Variants in PRTG observed in about 807,000 individuals in gnomAD.
PRTG encodes protogenin.
In PRTG, 67 loss-of-function variants were observed where a neutral mutation model predicts 122.5. The observed-to-expected ratio is 0.55, with a 90% CI of 0.45 to 0.67. PRTG has a LOEUF of 0.67. Ranked by LOEUF, PRTG falls within the 30% of genes least tolerant of loss-of-function variation. PRTG has a pLI of 0.00. For missense variants in PRTG, 1,435 were observed against 1,415.4 expected (o/e 1.01, Z -0.22); for synonymous variants, 554 against 501.1 (o/e 1.11, Z -1.41).
intron 2 of PRTG, among the ~76,000 whole-genome samples, chr15:55,708,464 C>T (rs1053019036): frequency 6.6e-6 from 1 of 151,926 alleles, no homozygotes; most frequent in African/African-American, 2.4e-5. Flanking sequence ...AAAAATTAGC[C>T]GGGTGCAGTG....
At chr15:55,636,648 C>CT (rs922754027) in intron 15 of PRTG, among the ~76,000 whole-genome samples, 17 of 151,866 alleles carry the variant, frequency 1.1e-4, no homozygotes, top group Admixed American at 4.6e-4. Context: ...AACCAAACCT[C>CT]TTTTTTTTAC....
intron 2 of PRTG, among the ~76,000 whole-genome samples, chr15:55,708,351 G>C (rs1397070113): frequency 6.6e-6 from 1 of 152,160 alleles, no homozygotes; most frequent in Admixed American, 6.5e-5. Context: ...GCTCATGCCT[G>C]TAATCCCAGC....
Position 55,714,028 on chromosome 15 carries a change from A to G in PRTG, c.397+26354T>C, listed in dbSNP as rs541357586. ...TAAAACTTCAGGTACTTAACCCTGTACATTTCTGTTCTGGTCCTCATAGAT... is the reference window on the plus strand; with the variant it reads ...TAAAACTTCAGGTACTTAACCCTGTGCATTTCTGTTCTGGTCCTCATAGAT... On this transcript the variant is annotated intron_variant, in intron 2 of 19. Transcript: ENST00000389286. 3.9e-5 allele frequency among the ~76,000 whole-genome samples: 6 copies of G among 152,286 alleles called. No homozygotes were observed. The South Asian group carries it at 1.2e-3, about 32-fold the overall frequency.
At chr15:55,649,556 G>A (rs917340360) in intron 11 of PRTG, among the ~76,000 whole-genome samples, 6 of 152,114 alleles carry the variant, frequency 3.9e-5, no homozygotes, top group Admixed American at 6.5e-5. Context: ...GGGCCAAGGC[G>A]GGTGGATCAG....
chr15:55,640,722 T>C (rs2059284704), intron 12 of PRTG, among the ~76,000 whole-genome samples: 1 of 152,100 alleles, frequency 6.6e-6, no homozygotes, highest in Admixed American at 6.6e-5. Context: ...TTGTTTAAGA[T>C]ACTTTAGCCA....
At chr15:55,739,042 C>T (rs11857254) in intron 2 of PRTG, among the ~76,000 whole-genome samples, 55,305 of 151,794 alleles carry the variant, frequency 0.36, 12,626 homozygotes, top group Non-Finnish European at 0.52. Flanking sequence ...TGGCTAGAAC[C>T]GCAAACCTCT....
At chr15:55,664,735 T>C (rs2059429079) in intron 11 of PRTG, among the ~76,000 whole-genome samples, 1 of 152,042 alleles carries the variant, frequency 6.6e-6, no homozygotes, top group Non-Finnish European at 1.5e-5. Flanking sequence ...CACAGGCATG[T>C]ACCACCATGC....
At chr15:55,648,321 T>C (rs138781473) in intron 11 of PRTG, among the ~76,000 whole-genome samples, 6 of 152,314 alleles carry the variant, frequency 3.9e-5, no homozygotes, top group South Asian at 2.1e-4. Flanking sequence ...CAAAGGCCTA[T>C]AAAATGAGAC....
In PRTG at chr15:55,743,122, A is replaced by G; in HGVS notation, c.-191T>C. 1 of 1,268,376 alleles carries G rather than the reference A, an allele frequency of 7.9e-7. No homozygotes were observed. The allele number at this position is 1,268,376 out of a possible 1,614,324, so 78.6% of individuals were successfully genotyped here. Reference sequence around the variant, plus strand: ...CTCGGACGGCCGCTCGCGAGAAGCAAGGGGCCTGAGAGTCCGGCTGGGGGC... The same window carrying G: ...CTCGGACGGCCGCTCGCGAGAAGCAGGGGGCCTGAGAGTCCGGCTGGGGGC... On this transcript the variant is annotated 5_prime_UTR_variant, in exon 1 of 20. Transcript: ENST00000389286.
At chr15:55,642,521 G>A (rs2059297747) in intron 11 of PRTG, among the ~76,000 whole-genome samples, 1 of 144,274 alleles carries the variant, frequency 6.9e-6, no homozygotes, top group African/African-American at 2.6e-5. Flanking sequence ...AGGAGACTAA[G>A]ACAGGAGAAT....
intron 2 of PRTG, among the ~76,000 whole-genome samples, chr15:55,739,267 T>G (rs1199784201): frequency 6.7e-6 from 1 of 149,878 alleles, no homozygotes; most frequent in African/African-American, 2.4e-5. Context: ...TTTTGTATTT[T>G]TTTTTTTTTT....
At chr15:55,628,379 A>G (rs1454872588) in intron 16 of PRTG, among the ~76,000 whole-genome samples, 1 of 55,842 alleles carries the variant, frequency 1.8e-5, no homozygotes, top group Non-Finnish European at 4.4e-5. Context: ...TTCTGGAGAC[A>G]GAGAGGGAAA....
intron 2 of PRTG, among the ~76,000 whole-genome samples, chr15:55,715,991 T>C (rs2030583640): frequency 6.6e-6 from 1 of 152,208 alleles, no homozygotes; most frequent in Admixed American, 6.5e-5. Flanking sequence ...TTTTTACAGA[T>C]ACCATCCAAA....
chr15:55,672,462 T>C lies in PRTG; in HGVS notation c.2024A>G (p.Tyr675Cys), dbSNP rs746661928. Residue 675 changes from tyrosine to cysteine, a missense_variant, in exon 11 of 20, where the codon TAT becomes TGT. By Grantham distance (194) the Tyr-to-Cys change is radical (BLOSUM62 -2). Coordinates refer to ENST00000389286, the MANE Select transcript of PRTG (RefSeq NM_173814.6). Reference sequence around the variant, plus strand: ...TCACTCACCTAAGCCACTGAGAGTATAGAGTAGGTCCTTGGTATCCAAGAA... The same window carrying C: ...TCACTCACCTAAGCCACTGAGAGTACAGAGTAGGTCCTTGGTATCCAAGAA... ...PIFLDTKDLLYTLSGLDPRRK... is the reference protein window; with the variant it reads ...PIFLDTKDLLCTLSGLDPRRK... The C allele has an allele frequency of 1.7e-5, 27 of 1,613,744 alleles. No homozygotes were observed. Among genetic ancestry groups the C allele is most frequent in the African/African-American group, 1.6e-4 (12 of 75,012 alleles).
At chr15:55,625,112 CAA>C (rs1252352497) in intron 17 of PRTG, among the ~76,000 whole-genome samples, 11 of 152,094 alleles carry the variant, frequency 7.2e-5, no homozygotes, top group African/African-American at 2.4e-4. Flanking sequence ...TTACCTAAAA[CAA>C]CGTGTATTTG....
intron 18 of PRTG, among the ~76,000 whole-genome samples, chr15:55,622,510 A>G (rs2059172312): frequency 6.6e-6 from 1 of 151,240 alleles, no homozygotes; most frequent in South Asian, 2.1e-4. Flanking sequence ...CAGTCTCCCA[A>G]GTAGCTGGGA....
At chr15:55,625,043 A>C (rs1234125638) in intron 17 of PRTG, among the ~76,000 whole-genome samples, 1 of 152,250 alleles carries the variant, frequency 6.6e-6, no homozygotes, top group Non-Finnish European at 1.5e-5. Context: ...TTCCATGTAG[A>C]GCTACAAAAC....
chr15:55,640,527 G>A (rs1427214799), intron 12 of PRTG, among the ~76,000 whole-genome samples: 1 of 152,198 alleles, frequency 6.6e-6, no homozygotes, highest in African/African-American at 2.4e-5. Flanking sequence ...CTTCTTAGGA[G>A]CAGTACAAGT....
rs532009798 is a variant in PRTG, at chr15:55,676,572, T to C, written c.1382-889A>G. ...TGAATTAACTTGATAGCATTTTAAT[T>C]AGACAAGATTACAGGCATTTCACAA... is the stretch of plus-strand genomic sequence containing the variant. On this transcript the variant is annotated intron_variant, in intron 8 of 19. Coordinates refer to ENST00000389286, the MANE Select transcript of PRTG (RefSeq NM_173814.6). 9.2e-5 allele frequency among the ~76,000 whole-genome samples: 14 copies of C among 152,302 alleles called. No homozygotes were observed. In the South Asian group the frequency reaches 2.9e-3, roughly 32 times the overall value.
Sources: allele counts gnomAD v4.1 joint callset (sites outside exome capture counted in the v4.1 genomes callset), GRCh38; gene constraint gnomAD v4.1.1; transcripts MANE v1.5; gene names NCBI Gene and HGNC (gene_info 2026-07-23, HGNC 2026-07-21).